The following SNED1 variants were observed in gnomAD, a reference collection of about 807,000 sequenced individuals.
SNED1 encodes the protein sushi, nidogen and EGF like domains 1.
SNED1 carries 81 observed loss-of-function variants against 166.7 expected under a neutral mutation model. The ratio of observed to expected loss-of-function variants is 0.49; its 90% CI spans 0.41 to 0.58. The LOEUF (loss-of-function observed/expected upper bound fraction) is 0.58. Among genes scored for constraint, SNED1 ranks in the 20% least tolerant of loss-of-function variants. The pLI is 0.00. For synonymous variants in SNED1, 762 were observed against 822.0 expected (o/e 0.93, Z 1.25); for missense variants, 1,604 against 2,000.2 (o/e 0.80, Z 3.78).
At chr2:241,012,355 T>C (rs2060435703) in intron 1 of SNED1, among the ~76,000 whole-genome samples, 1 of 152,196 alleles carries the variant, frequency 6.6e-6, no homozygotes, top group African/African-American at 2.4e-5. Context: ...ACGCAAACCC[T>C]GGTGGGCCCA....
chr2:241,091,304 C>T lies in SNED1; in HGVS notation c.*2-334C>T, dbSNP rs1185264103. On this transcript the variant is annotated intron_variant, in intron 31 of 31. Transcript: ENST00000310397. This position sits in a 1 kb window ranked among gnomAD's most constrained non-coding sequence, Gnocchi z 4.1. ...TGGAGAAAAGACCCAGAGTCGTTAC[C>T]GGAAGGAGGAGGGCAGGGAAGAGGA... Among the ~76,000 whole-genome samples, 1 of 152,186 alleles carries T rather than the reference C, an allele frequency of 6.6e-6. No homozygotes were observed. The highest frequency in any genetic ancestry group is 2.4e-5 in the African/African-American group (1 of 41,436).
At position 241,051,627 on chromosome 2, in the gene SNED1, C is replaced by A; in HGVS notation, c.1736-117C>A. 1 of 811,472 alleles carries A rather than the reference C, an allele frequency of 1.2e-6. No individual in the cohort carries two copies. The highest frequency in any genetic ancestry group is 1.8e-6 in the Non-Finnish European group (1 of 544,342). 50.3% of individuals were successfully genotyped at this position (811,472 alleles called of 1,614,324 possible). ...CCCCTGCTGCAGCCAGGCCCCAGGG[C>A]TTCGTCGAGAAGGCCCCACCAGCAC... is the stretch of plus-strand genomic sequence containing the variant. On this transcript the variant is annotated intron_variant, in intron 12 of 31. Transcript: ENST00000310397. This position sits in a 1 kb window ranked among gnomAD's most constrained non-coding sequence, Gnocchi z 4.7.
chr2:241,045,727 A>AT (rs535811165), intron 8 of SNED1, among the ~76,000 whole-genome samples: 1 of 151,832 alleles, frequency 6.6e-6, no homozygotes, highest in African/African-American at 2.4e-5. Flanking sequence ...AAAAAAAAAA[A>AT]TTTATGACCT....
intron 16 of SNED1, among the ~76,000 whole-genome samples, chr2:241,060,998 TG>T (rs1259925769): frequency 6.6e-6 from 1 of 152,166 alleles, no homozygotes; most frequent in Non-Finnish European, 1.5e-5. Flanking sequence ...TTTTTGACTT[TG>T]GGGTAGTGAA....
rs1276784877 is a variant in SNED1, at chr2:241,092,115, C to CT, written c.*480dup. On this transcript the variant is annotated 3_prime_UTR_variant, in exon 32 of 32. Coordinates refer to ENST00000310397, the MANE Select transcript of SNED1 (RefSeq NM_001080437.3). This position sits in a 1 kb window ranked among gnomAD's most constrained non-coding sequence, Gnocchi z 4.6. Reference sequence around the variant, plus strand: ...TCCAAAACAGAGACGGGGGCAGGGGCTGAAGGGCAGAGACCAGGTGATGTC... The same window carrying CT: ...TCCAAAACAGAGACGGGGGCAGGGGCTTGAAGGGCAGAGACCAGGTGATGTC... 6.6e-6 allele frequency: 1 copy of CT among 152,304 alleles called. No individual in the cohort carries two copies. Among genetic ancestry groups the CT allele is most frequent in the African/African-American group, 2.4e-5 (1 of 41,456 alleles). 9.4% of individuals were successfully genotyped at this position (152,304 alleles called of 1,614,324 possible). A position where few individuals can be genotyped will look rare whatever the true frequency, so the allele number is the denominator to read the frequency against.
chr2:241,073,087 G>A lies in SNED1; in HGVS notation c.3818-179G>A, dbSNP rs2062816812. 3.4e-6 allele frequency: 2 copies of A among 585,026 alleles called. No homozygotes were observed. The highest frequency in any genetic ancestry group is 6.1e-6 in the Non-Finnish European group (2 of 328,054). The allele number at this position is 585,026 out of a possible 1,614,324, so 36.2% of individuals were successfully genotyped here. On this transcript the variant is annotated intron_variant, in intron 26 of 31. Transcript: ENST00000310397. The surrounding 1 kb of genome is among the most constrained non-coding windows in gnomAD (Gnocchi z 6.6). ...TCCAGAGGGTCAGCAGGAGGGTGAG[G>A]CCAGCCCTTCAGGGGAGGCAGCTCT...
chr2:241,045,879 C>T (rs898884932), intron 8 of SNED1, among the ~76,000 whole-genome samples: 7 of 152,064 alleles, frequency 4.6e-5, no homozygotes, highest in Admixed American at 2.0e-4. Flanking sequence ...AGCTACAGAC[C>T]AGGAGAAAAC....
chr2:241,018,914 C>A lies in SNED1; in HGVS notation c.214-11370C>A, dbSNP rs990007447. ...CTGTCAGGGAAAGAGCCTTATCAGGCCCAGAAACGGTCAGGGCCAAACCTC... is the reference window on the plus strand; with the variant it reads ...CTGTCAGGGAAAGAGCCTTATCAGGACCAGAAACGGTCAGGGCCAAACCTC... On this transcript the variant is annotated intron_variant, in intron 1 of 31. Coordinates refer to ENST00000310397, the MANE Select transcript of SNED1 (RefSeq NM_001080437.3). The surrounding 1 kb of genome is among the most constrained non-coding windows in gnomAD (Gnocchi z 5.4). 6.6e-6 allele frequency among the ~76,000 whole-genome samples: 1 copy of A among 152,154 alleles called. No individual in the cohort carries two copies. The highest frequency in any genetic ancestry group is 1.9e-4 in the East Asian group (1 of 5,184).
chr2:241,029,229 T>A (rs748149620), intron 1 of SNED1, among the ~76,000 whole-genome samples: 1 of 152,230 alleles, frequency 6.6e-6, no homozygotes. Context: ...CAGCTCGAGC[T>A]GCTGCAGTAA....
At chr2:241,088,736 G>A (rs886099865) in intron 31 of SNED1, 2 of 335,552 alleles carry the variant, frequency 6.0e-6, no homozygotes, top group Non-Finnish European at 1.1e-5. Flanking sequence ...AGGGGGGTGG[G>A]CCCTTGGAGA....
intron 4 of SNED1, among the ~76,000 whole-genome samples, chr2:241,035,904 G>T (rs2061341481): frequency 9.9e-6 from 1 of 100,698 alleles, no homozygotes; most frequent in Non-Finnish European, 2.0e-5. Context: ...GGGGTGGGGG[G>T]TGCAGGCGTG....
chr2:241,065,441 C>T lies in SNED1; in HGVS notation c.2856C>T (p.Tyr952=), dbSNP rs1398655760. 1 of 1,613,070 alleles carries T rather than the reference C, an allele frequency of 6.2e-7. No homozygotes were observed. Among genetic ancestry groups the T allele is most frequent in the Admixed American group, 1.7e-5 (1 of 60,022 alleles). The change falls in exon 21 of 32, where the codon TAC becomes TAT. Residue 952 remains tyrosine, a synonymous_variant. Transcript: ENST00000310397. ...CCTACGTCTCCTCCGACGGCTCCTACCGCCGCACAGACTTTGTGGACAGGA... is the reference window on the plus strand; with the variant it reads ...CCTACGTCTCCTCCGACGGCTCCTATCGCCGCACAGACTTTGTGGACAGGA... ...AVTYVSSDGS[Y]RRTDFVDRTR... is the part of the protein sequence containing the mutation.
intron 1 of SNED1, among the ~76,000 whole-genome samples, chr2:241,002,525 C>T (rs955358324): frequency 9.2e-5 from 14 of 152,182 alleles, no homozygotes; most frequent in South Asian, 8.3e-4. Flanking sequence ...CTGGGTGTGA[C>T]GGAAGCAGAT....
At chr2:241,072,192 G>A (rs929781793) in intron 26 of SNED1, 11 of 597,524 alleles carry the variant, frequency 1.8e-5, no homozygotes, top group Non-Finnish European at 3.5e-5. Context: ...AGCTTTATTT[G>A]CCAAAGTAGG....
At chr2:241,088,735 G>A (rs1047506154) in intron 31 of SNED1, 4 of 335,588 alleles carry the variant, frequency 1.2e-5, no homozygotes, top group Non-Finnish European at 2.2e-5. Flanking sequence ...CAGGGGGGTG[G>A]GCCCTTGGAG....
At position 241,070,997 on chromosome 2, in the gene SNED1, C is replaced by T. The variant is rs541457282; in HGVS notation, c.3590-579C>T. On this transcript the variant is annotated intron_variant, in intron 24 of 31. Coordinates refer to ENST00000310397, the MANE Select transcript of SNED1 (RefSeq NM_001080437.3). ...GTTCTCAGACCCAACCCTGCCACCC[C>T]CACCAGCTTGGGGCCAAGCCCACCA... Among the ~76,000 whole-genome samples the T allele has an allele frequency of 2.6e-5, 4 of 152,326 alleles. No homozygotes were observed. The South Asian group carries it at 8.3e-4, about 32-fold the overall frequency.
At chr2:241,088,485 G>A in intron 31 of SNED1, 83 bp downstream of exon 31, 4 of 1,099,444 alleles carry the variant, frequency 3.6e-6, no homozygotes, top group South Asian at 1.2e-5. Context: ...ATCTCAGAGT[G>A]CCGCTGCCTG....
In SNED1 at chr2:241,043,204, A is replaced by G. The variant is rs148391739; in HGVS notation, c.1273+2791A>G. On this transcript the variant is annotated intron_variant, in intron 8 of 31. Transcript: ENST00000310397. Reference sequence around the variant, plus strand: ...TTCCAAGAAAAGCATGAAGAAAACCATGCAAAGCCATACCATAATCAAATT... The same window carrying G: ...TTCCAAGAAAAGCATGAAGAAAACCGTGCAAAGCCATACCATAATCAAATT... Among the ~76,000 whole-genome samples the G allele has an allele frequency of 3.8e-4, 58 of 152,376 alleles. 2 individuals are homozygous for G. In the East Asian group the frequency reaches 0.011, roughly 29 times the overall value.
Position 241,067,953 on chromosome 2 carries a change from A to C in SNED1, c.3194+6A>C, listed in dbSNP as rs745314152. The C allele has an allele frequency of 6.2e-6, 10 of 1,603,712 alleles. No individual in the cohort carries two copies. The highest frequency in any genetic ancestry group is 1.3e-5 in the African/African-American group (1 of 74,696). On this transcript the variant is annotated splice_donor_region_variant and intron_variant, in intron 22 of 31. Coordinates refer to ENST00000310397, the MANE Select transcript of SNED1 (RefSeq NM_001080437.3). The stretch of plus-strand genomic sequence containing the variant: ...GTGGACAGGTTCACCTTTAGGTAAG[A>C]AGGGACACCCAGAGCATGGGGCTGG...
Sources: gnomAD v4.1 joint callset for allele counts (sites outside exome capture counted in the v4.1 genomes callset) on GRCh38, gnomAD v4.1.1 for gene constraint, Gnocchi (gnomAD v3.1) non-coding constraint, MANE v1.5 for transcripts, NCBI Gene and HGNC (gene_info 2026-07-23, HGNC 2026-07-21) for gene names.